The following TIAM1 variants were observed in gnomAD, a reference collection of about 807,000 sequenced individuals.
The protein encoded by TIAM1 is TIAM Rac1 associated GEF 1, also known as rho guanine nucleotide exchange factor TIAM1.
A neutral mutation model predicts 163.5 loss-of-function variants in TIAM1; 65 were observed. The ratio of observed to expected loss-of-function variants is 0.40; its 90% CI spans 0.33 to 0.49. The LOEUF (loss-of-function observed/expected upper bound fraction) is 0.49, where lower values mean the gene tolerates loss of function less well. Ranked by LOEUF, TIAM1 falls within the 20% of genes least tolerant of loss-of-function variation. The pLI is 0.77. For synonymous variants in TIAM1, 833 were observed against 810.1 expected (o/e 1.03, Z -0.48); for missense variants, 1,789 against 2,044.7 (o/e 0.87, Z 2.41).
chr21:31,523,740 A>G (rs897023672), intron 1 of TIAM1, among the ~76,000 whole-genome samples: 11 of 152,100 alleles, frequency 7.2e-5, no homozygotes, highest in Admixed American at 5.2e-4. Context: ...CCTGGCCAAC[A>G]AGGTGAAACC....
intron 23 of TIAM1, among the ~76,000 whole-genome samples, chr21:31,132,513 A>C (rs2082451236): frequency 6.6e-6 from 1 of 152,170 alleles, no homozygotes; most frequent in African/African-American, 2.4e-5. Flanking sequence ...GAAATCAGAG[A>C]GGCTGGGACA....
chr21:31,237,770 A>G (rs2070971851), intron 6 of TIAM1, among the ~76,000 whole-genome samples: 1 of 152,188 alleles, frequency 6.6e-6, no homozygotes, highest in Non-Finnish European at 1.5e-5. Flanking sequence ...TGTGTTCCCA[A>G]GGCATTTAAC....
intron 2 of TIAM1, among the ~76,000 whole-genome samples, chr21:31,410,616 G>C (rs1023449823): frequency 1.1e-4 from 17 of 152,070 alleles, no homozygotes; most frequent in East Asian, 5.8e-4. Context: ...AGTGAATTGA[G>C]TGTTAGTGTG....
chr21:31,310,411 T>C (rs1445292728), intron 2 of TIAM1, among the ~76,000 whole-genome samples: 1 of 152,102 alleles, frequency 6.6e-6, no homozygotes, highest in East Asian at 1.9e-4. Context: ...AGGCAGTAAG[T>C]AAACCTATAA....
intron 1 of TIAM1, among the ~76,000 whole-genome samples, chr21:31,529,628 C>G (rs1044664083): frequency 6.6e-6 from 1 of 152,160 alleles, no homozygotes; most frequent in African/African-American, 2.4e-5. Flanking sequence ...CAGAAGGAAA[C>G]AAAGGAAATA....
chr21:31,458,703 G>A (rs2045207156), intron 2 of TIAM1, among the ~76,000 whole-genome samples: 1 of 151,596 alleles, frequency 6.6e-6, no homozygotes, highest in Non-Finnish European at 1.5e-5. Context: ...ATGAGAAAGA[G>A]TCAGGTGGCC....
rs11417948 is a variant in TIAM1 at position 31,242,860 on chromosome 21, CA to C, written c.1584+2627del. Reference sequence around the variant, plus strand: ...TGGGGGACAGAACAAGACTCTGTCTCAAAAAAAAAAAAAAAAAAAGAAAAAA... The same window carrying C: ...TGGGGGACAGAACAAGACTCTGTCTCAAAAAAAAAAAAAAAAAAGAAAAAA... On this transcript the variant is annotated intron_variant, in intron 6 of 27. Coordinates refer to ENST00000541036, the MANE Select transcript of TIAM1 (RefSeq NM_001353694.2). 1.6e-3 allele frequency among the ~76,000 whole-genome samples: 156 copies of C among 95,062 alleles called. 1 individual carries two copies. Among genetic ancestry groups the C allele is most frequent in the African/African-American group, 4.5e-3 (98 of 21,822 alleles). 62.4% of individuals were successfully genotyped at this position (95,062 alleles called of 152,430 possible).
intron 1 of TIAM1, among the ~76,000 whole-genome samples, chr21:31,545,302 A>G (rs979556669): frequency 6.6e-6 from 1 of 152,150 alleles, no homozygotes. Context: ...CAAGAAAAGA[A>G]TTTTCCCTAG....
intron 24 of TIAM1, 144 bp downstream of exon 24, chr21:31,130,746 A>G (rs2082385781): frequency 1.5e-5 from 11 of 720,140 alleles, no homozygotes; most frequent in Non-Finnish European, 2.5e-5. Flanking sequence ...AGGATGAGTG[A>G]TCTCAAGCAT....
rs369914222 is a variant in TIAM1 at position 31,223,427 on chromosome 21, C to T, written c.1974G>A (p.Ser658=). The T allele has an allele frequency of 6.9e-5, 112 of 1,612,672 alleles. No homozygotes were observed. The highest frequency in any genetic ancestry group is 2.5e-4 in the South Asian group (23 of 90,884). Residue 658 remains serine (S), a synonymous_variant, in exon 8 of 28, where the codon TCG becomes TCA. Coordinates refer to ENST00000541036, the MANE Select transcript of TIAM1 (RefSeq NM_001353694.2). ...KVAMGRLGIF[S]VSSFHALVAA... ...TCACCAGGGCATGAAACGATGATACCGAAAAGATTCCAAGGCGGCCCATGG... is the reference window on the plus strand; with the variant it reads ...TCACCAGGGCATGAAACGATGATACTGAAAAGATTCCAAGGCGGCCCATGG...
chr21:31,415,048 T>C (rs904271695), intron 2 of TIAM1, among the ~76,000 whole-genome samples: 1 of 152,188 alleles, frequency 6.6e-6, no homozygotes, highest in African/African-American at 2.4e-5. Flanking sequence ...CTGTGACTCT[T>C]CCAACACTGA....
rs2074435303 is a variant in TIAM1, at chr21:31,299,860, CG to C, written c.-188-22953del. Among the ~76,000 whole-genome samples the C allele has an allele frequency of 2.0e-5, 3 of 152,196 alleles. No homozygotes were observed. In the South Asian group the frequency reaches 6.2e-4, roughly 32 times the overall value. On this transcript the variant is annotated intron_variant, in intron 2 of 27. Coordinates refer to ENST00000541036, the MANE Select transcript of TIAM1 (RefSeq NM_001353694.2). ...GAACAATCTGTTGGAAATCACAGTC[CG>C]CTGCCTGAGCCACAGAAGTGATCAA...
chr21:31,395,708 A>G lies in TIAM1; in HGVS notation c.-368-56286T>C, dbSNP rs572504571. On this transcript the variant is annotated intron_variant, in intron 2 of 28. Coordinates refer to the TIAM1 transcript ENST00000286827. This position sits in a 1 kb window ranked among gnomAD's most constrained non-coding sequence, Gnocchi z 7.5. ...AACATCTATCTTGGGGAGGGGGCGC[A>G]TGCGTTCCCCTGGCTGTCGCGTGAA... is the stretch of plus-strand genomic sequence containing the variant. Among the ~76,000 whole-genome samples the G allele has an allele frequency of 2.0e-5, 3 of 152,312 alleles. No homozygotes were observed. Among genetic ancestry groups the G allele is most frequent in the South Asian group, 4.2e-4 (2 of 4,818 alleles).
Position 31,309,942 on chromosome 21 carries a change from G to A in TIAM1, c.-189+29301C>T, listed in dbSNP as rs1011705214. ...TGTGAGAAGCTCATAACCACCTAAC[G>A]CAAAAATAAGTCCAGAAATGCAAAT... On this transcript the variant is annotated intron_variant, in intron 2 of 27. Coordinates refer to ENST00000541036, the MANE Select transcript of TIAM1 (RefSeq NM_001353694.2). Among the ~76,000 whole-genome samples, 7 of 152,094 alleles carry A rather than the reference G, an allele frequency of 4.6e-5. No individual in the cohort carries two copies. In the South Asian group the frequency reaches 6.2e-4, roughly 14 times the overall value.
At chr21:31,438,474 G>C (rs1244172071) in intron 2 of TIAM1, among the ~76,000 whole-genome samples, 1 of 152,068 alleles carries the variant, frequency 6.6e-6, no homozygotes, top group African/African-American at 2.4e-5. Flanking sequence ...TTACAAGTGT[G>C]AGCCACTGCA....
rs2077060900 is a variant in TIAM1, at chr21:31,395,966, T to C, written c.-368-56544A>G. Among the ~76,000 whole-genome samples the C allele has an allele frequency of 6.6e-6, 1 of 152,170 alleles. No homozygotes were observed. Among genetic ancestry groups the C allele is most frequent in the South Asian group, 2.1e-4 (1 of 4,824 alleles). ...CTAGATTTAAAATTCAACAGGAACATGGCTTTTTTCCTCCGTAATGGCTGT... is the reference window on the plus strand; with the variant it reads ...CTAGATTTAAAATTCAACAGGAACACGGCTTTTTTCCTCCGTAATGGCTGT... On this transcript the variant is annotated intron_variant, in intron 2 of 28. Transcript: ENST00000286827. The surrounding 1 kb of genome is among the most constrained non-coding windows in gnomAD (Gnocchi z 7.5).
chr21:31,408,229 A>G (rs2077283336), intron 2 of TIAM1, among the ~76,000 whole-genome samples: 1 of 152,112 alleles, frequency 6.6e-6, no homozygotes, highest in African/African-American at 2.4e-5. Flanking sequence ...TATTTTAGTT[A>G]TTTTTACATT....
At chr21:31,185,681 A>G (rs1216642143) in intron 14 of TIAM1, among the ~76,000 whole-genome samples, 6 of 147,910 alleles carry the variant, frequency 4.1e-5, no homozygotes, top group Non-Finnish European at 5.9e-5. Context: ...CATTATAATT[A>G]TATAATAATT....
At chr21:31,467,277 A>T (rs1199572838) in intron 1 of TIAM1, among the ~76,000 whole-genome samples, 3 of 152,298 alleles carry the variant, frequency 2.0e-5, no homozygotes, top group Admixed American at 2.0e-4. Flanking sequence ...GGCTGCAATG[A>T]ACTACGTTCA....
Sources: allele counts gnomAD v4.1 joint callset (sites outside exome capture counted in the v4.1 genomes callset), GRCh38; gene constraint gnomAD v4.1.1; non-coding constraint Gnocchi (gnomAD v3.1); transcripts MANE v1.5; gene names NCBI Gene and HGNC (gene_info 2026-07-23, HGNC 2026-07-21).